The following CACNA2D2 variants were observed in gnomAD, a reference collection of about 807,000 sequenced individuals.
CACNA2D2 encodes voltage-dependent calcium channel subunit alpha-2/delta-2.
Under a neutral mutation model 166.4 loss-of-function variants are expected in CACNA2D2, and 48 were observed. The observed-to-expected ratio is 0.29, with a 90% confidence interval of 0.23 to 0.37. The LOEUF is 0.37. CACNA2D2 is among the 10% of genes least tolerant of loss of function. The pLI, the probability that CACNA2D2 is intolerant of heterozygous loss-of-function variation, is 1.00. For synonymous variants in CACNA2D2, 561 were observed against 573.7 expected (o/e 0.98, Z 0.32); for missense variants, 1,122 against 1,433.0 (o/e 0.78, Z 3.50).
At chr3:50,479,492 A>G (rs1697950434) in intron 1 of CACNA2D2, among the ~76,000 whole-genome samples, 1 of 152,262 alleles carries the variant, frequency 6.6e-6, no homozygotes. Flanking sequence ...CCATTGTCAC[A>G]GAGATGTGAC....
intron 15 of CACNA2D2, 95 bp downstream of exon 15, chr3:50,377,913 T>C: frequency 6.7e-7 from 1 of 1,499,846 alleles, no homozygotes; most frequent in Non-Finnish European, 9.2e-7. Flanking sequence ...GTGCTTGGTT[T>C]ACCCCATAAG....
chr3:50,405,157 GAGA>G (rs1222650297), intron 3 of CACNA2D2, among the ~76,000 whole-genome samples: 6 of 152,326 alleles, frequency 3.9e-5, no homozygotes, highest in Admixed American at 2.0e-4. Context: ...CCAACCTCAG[GAGA>G]AGGAGTGGGA....
chr3:50,400,325 T>A (rs1400202726), intron 3 of CACNA2D2, among the ~76,000 whole-genome samples: 1 of 152,166 alleles, frequency 6.6e-6, no homozygotes, highest in African/African-American at 2.4e-5. Context: ...CATTTGTCTG[T>A]CCATCCACCT....
intron 3 of CACNA2D2, among the ~76,000 whole-genome samples, chr3:50,401,366 G>T (rs1706444780): frequency 6.6e-6 from 1 of 152,164 alleles, no homozygotes; most frequent in African/African-American, 2.4e-5. Context: ...CCCAAGTCCA[G>T]GCTTGACACC....
chr3:50,461,816 C>T (rs1161804467), intron 2 of CACNA2D2, among the ~76,000 whole-genome samples: 1 of 150,428 alleles, frequency 6.6e-6, no homozygotes, highest in East Asian at 1.9e-4. Flanking sequence ...TTCTCTACAC[C>T]AAAATGAGGG....
At chr3:50,373,723 A>G (rs1157900001) in intron 22 of CACNA2D2, among the ~76,000 whole-genome samples, 2 of 139,052 alleles carry the variant, frequency 1.4e-5, no homozygotes, top group Admixed American at 7.2e-5. Context: ...TGCAGGGAGA[A>G]GAGGAGGGAG....
chr3:50,410,926 G>C (rs1271569838), intron 3 of CACNA2D2, among the ~76,000 whole-genome samples: 1 of 152,258 alleles, frequency 6.6e-6, no homozygotes, highest in Admixed American at 6.5e-5. Context: ...GCAGACATGG[G>C]AAAGCACATC....
chr3:50,503,973 G>A (rs915921904), upstream of CACNA2D2: 9 of 152,294 alleles, frequency 5.9e-5, no homozygotes, highest in African/African-American at 2.2e-4. Context: ...CCTTTTGGGG[G>A]CTCGACCTTC....
intron 3 of CACNA2D2, among the ~76,000 whole-genome samples, chr3:50,408,582 G>C (rs140607326): frequency 5.7e-4 from 87 of 152,374 alleles, no homozygotes; most frequent in African/African-American, 2.0e-3. Flanking sequence ...CTCGACACTT[G>C]GTTATTACGA....
chr3:50,432,614 G>T (rs1387870741), intron 3 of CACNA2D2, among the ~76,000 whole-genome samples: 1 of 152,236 alleles, frequency 6.6e-6, no homozygotes, highest in African/African-American at 2.4e-5. Flanking sequence ...AGAGAGGCGA[G>T]CGTAATGGGC....
At chr3:50,401,219 T>C (rs1000278352) in intron 3 of CACNA2D2, among the ~76,000 whole-genome samples, 9 of 151,878 alleles carry the variant, frequency 5.9e-5, no homozygotes, top group African/African-American at 1.5e-4. Flanking sequence ...ACAGGACTCA[T>C]GCGTCTTCTG....
In CACNA2D2 at chr3:50,366,582, T is replaced by C. The variant is rs747980917; in HGVS notation, c.2633A>G (p.Asn878Ser). 4 of 1,613,960 alleles carry C rather than the reference T, an allele frequency of 2.5e-6. No individual in the cohort carries two copies. In the Admixed American group the frequency reaches 5.0e-5, roughly 20 times the overall value. ...SHCEMDCEVN[N>S]EDLLCVLIDD... is the part of the protein sequence containing the mutation. ...GTAGGTTCAGGGCACACACACCTCA[T>C]TGTTAACCTCGCAGTCCATCTCACA... is the stretch of plus-strand genomic sequence containing the variant. Residue 878 changes from asparagine (N) to serine (S), a missense_variant, in exon 30 of 38, where the codon AAT (asparagine) becomes AGT (serine). By Grantham distance (46) the Asn-to-Ser change is conservative (BLOSUM62 1). Around this residue, in one of 2 missense-constraint regions of CACNA2D2, gnomAD observed 840 missense variants for 1,166.8 expected, o/e 0.72. Coordinates refer to ENST00000424201, the MANE Select transcript of CACNA2D2 (RefSeq NM_006030.4). The surrounding 1 kb of genome is among the most constrained non-coding windows in gnomAD (Gnocchi z 5.9).
In CACNA2D2 at chr3:50,503,483, GGC is replaced by G. The variant is rs2107206760; in HGVS notation, c.-62_-61del. ...GGGCAGTGGCGGCGGCGGCGGCGGC[GGC>G]GGGGTTGGGGGGGCGCGGGCGGCGG... On this transcript the variant is annotated 5_prime_UTR_variant, in exon 1 of 38. Coordinates refer to ENST00000424201, the MANE Select transcript of CACNA2D2 (RefSeq NM_006030.4). The G allele has an allele frequency of 5.6e-6, 1 of 179,424 alleles. No individual in the cohort carries two copies. Among genetic ancestry groups the G allele is most frequent in the Non-Finnish European group, 1.1e-5 (1 of 87,340 alleles). 11.1% of individuals were successfully genotyped at this position (179,424 alleles called of 1,614,324 possible).
At position 50,379,846 on chromosome 3, in the gene CACNA2D2, C is replaced by T. The variant is rs770876898; in HGVS notation, c.894-22G>A. 12 of 1,613,064 alleles carry T rather than the reference C, an allele frequency of 7.4e-6. No homozygotes were observed. Among genetic ancestry groups the T allele is most frequent in the South Asian group, 6.6e-5 (6 of 91,062 alleles). On this transcript the variant is annotated intron_variant, in intron 9 of 37. Transcript: ENST00000424201. This position sits in a 1 kb window ranked among gnomAD's most constrained non-coding sequence, Gnocchi z 6.5. ...ACTCCTGGAGAGGTCAGGCAGGGGA[C>T]GTGGAGGAGCCAGGGGAACCTCACG...
At chr3:50,499,386 T>C (rs947844459) in intron 1 of CACNA2D2, among the ~76,000 whole-genome samples, 48 of 152,206 alleles carry the variant, frequency 3.2e-4, no homozygotes, top group Admixed American at 1.4e-3. Flanking sequence ...TTAATGCTAA[T>C]GTTAACAGTG....
In CACNA2D2 at chr3:50,379,902, G is replaced by T; in HGVS notation, c.893+66C>A. On this transcript the variant is annotated intron_variant, in intron 9 of 37. Transcript: ENST00000424201. This position sits in a 1 kb window ranked among gnomAD's most constrained non-coding sequence, Gnocchi z 6.5. The stretch of plus-strand genomic sequence containing the variant: ...TCCTGCCCATCCCCCAAGATGTTCA[G>T]GGCAGCAGAGTCTAGCCCATTGCCC... 1 of 1,612,816 alleles carries T rather than the reference G, an allele frequency of 6.2e-7. No individual in the cohort carries two copies. The highest frequency in any genetic ancestry group is 1.7e-5 in the Admixed American group (1 of 60,010).
At chr3:50,457,500 T>C (rs1392358693) in intron 2 of CACNA2D2, among the ~76,000 whole-genome samples, 3 of 152,164 alleles carry the variant, frequency 2.0e-5, no homozygotes, top group African/African-American at 7.2e-5. Context: ...CAGGGGCCAA[T>C]GTCTCCCCGC....
intron 3 of CACNA2D2, among the ~76,000 whole-genome samples, chr3:50,401,677 T>C (rs967571031): frequency 5.9e-5 from 9 of 152,202 alleles, no homozygotes; most frequent in Admixed American, 1.3e-4. Flanking sequence ...ATTACTGTTA[T>C]GTTACCAAAA....
chr3:50,408,739 T>C (rs1224723995), intron 3 of CACNA2D2, among the ~76,000 whole-genome samples: 1 of 152,056 alleles, frequency 6.6e-6, no homozygotes, highest in Non-Finnish European at 1.5e-5. Flanking sequence ...GGAGGCGGCC[T>C]TGCTCCTGCC....
Sources: gnomAD v4.1 joint callset for allele counts (sites outside exome capture counted in the v4.1 genomes callset) on GRCh38, gnomAD v4.1.1 for gene constraint, gnomAD v4.1.1 regional missense constraint, Gnocchi (gnomAD v3.1) non-coding constraint, MANE v1.5 for transcripts, NCBI Gene and HGNC (gene_info 2026-07-23, HGNC 2026-07-21) for gene names.